CSMD1: variants seen among roughly 807,000 people sequenced by gnomAD.
The protein encoded by CSMD1 is CUB and Sushi multiple domains 1.
Under a neutral mutation model 417.5 loss-of-function variants are expected in CSMD1, and 213 were observed. That is an observed-to-expected ratio of 0.51 (90% CI 0.46 to 0.57). The LOEUF (loss-of-function observed/expected upper bound fraction) is 0.57. Ranked by LOEUF, CSMD1 falls within the 20% of genes least tolerant of loss-of-function variation. The pLI, the probability that CSMD1 is intolerant of heterozygous loss-of-function variation, is 0.00. For missense variants in CSMD1, 6,923 were observed against 4,529.7 expected (o/e 1.53, Z -15.17); for synonymous variants, 2,862 against 1,736.8 (o/e 1.65, Z -16.11).
chr8:4,619,757 G>C (rs1021201404), intron 2 of CSMD1, among the ~76,000 whole-genome samples: 1 of 152,040 alleles, frequency 6.6e-6, no homozygotes, highest in Admixed American at 6.6e-5. Context: ...GGAAGAACTT[G>C]GAAAACCAGG....
At chr8:4,057,818 A>T (rs2130724539) in intron 3 of CSMD1, among the ~76,000 whole-genome samples, 1 of 152,220 alleles carries the variant, frequency 6.6e-6, no homozygotes. Context: ...TGTTTTTGTC[A>T]GGTTTGTCAA....
At chr8:3,184,027 A>G (rs1318907558) in intron 36 of CSMD1, among the ~76,000 whole-genome samples, 5 of 152,178 alleles carry the variant, frequency 3.3e-5, no homozygotes, top group African/African-American at 4.8e-5. Flanking sequence ...ATTCTCATAG[A>G]TTCCTGATCA....
chr8:4,096,361 G>A (rs1801011539), intron 3 of CSMD1, among the ~76,000 whole-genome samples: 1 of 152,042 alleles, frequency 6.6e-6, no homozygotes, highest in Non-Finnish European at 1.5e-5. Context: ...TCCATATGGG[G>A]CTCCCAGACA....
chr8:3,563,579 A>T (rs1402361394), intron 10 of CSMD1, among the ~76,000 whole-genome samples: 1 of 152,118 alleles, frequency 6.6e-6, no homozygotes, highest in Non-Finnish European at 1.5e-5. Context: ...AAAACAAAAC[A>T]AAAACACAAG....
intron 6 of CSMD1, among the ~76,000 whole-genome samples, chr8:3,752,413 G>C (rs1280565182): frequency 6.6e-6 from 1 of 152,094 alleles, no homozygotes; most frequent in Admixed American, 6.5e-5. Context: ...CCAGCACTTT[G>C]GGAGGCCGAG....
intron 10 of CSMD1, among the ~76,000 whole-genome samples, chr8:3,567,944 G>A (rs1799784851): frequency 6.6e-6 from 1 of 152,174 alleles, no homozygotes; most frequent in Admixed American, 6.5e-5. Flanking sequence ...GGACGCCGGA[G>A]ATGGAAACCC....
At chr8:3,859,595 C>G (rs1372918634) in intron 5 of CSMD1, among the ~76,000 whole-genome samples, 2 of 152,090 alleles carry the variant, frequency 1.3e-5, no homozygotes, top group African/African-American at 2.4e-5. Context: ...CCAGAAAGAC[C>G]AACCATGTTA....
In CSMD1 at chr8:4,187,431, G is replaced by A. The variant is rs114145617; in HGVS notation, c.416-155332C>T. Among the ~76,000 whole-genome samples, 242 of 152,222 alleles carry A rather than the reference G, an allele frequency of 1.6e-3. 2 individuals are homozygous for A. Among genetic ancestry groups the A allele is most frequent in the African/African-American group, 5.8e-3 (239 of 41,544 alleles). On this transcript the variant is annotated intron_variant, in intron 3 of 69. Coordinates refer to ENST00000635120, the MANE Select transcript of CSMD1 (RefSeq NM_033225.6). ...GGAGGCCAAGGCAGGCAGATCACCT[G>A]AGGTCAGGAAGAGACCAGCCTGATC... is the stretch of plus-strand genomic sequence containing the variant.
chr8:4,740,944 A>C (rs1585027002), intron 1 of CSMD1, among the ~76,000 whole-genome samples: 1 of 152,228 alleles, frequency 6.6e-6, no homozygotes, highest in African/African-American at 2.4e-5. Context: ...ACACTTATTA[A>C]CATATATTAA....
chr8:4,207,694 G>C (rs1012839507), intron 3 of CSMD1, among the ~76,000 whole-genome samples: 1 of 152,016 alleles, frequency 6.6e-6, no homozygotes, highest in African/African-American at 2.4e-5. Context: ...CATTTCAAAA[G>C]AAACATTTTT....
intron 3 of CSMD1, among the ~76,000 whole-genome samples, chr8:4,097,580 T>C (rs927562066): frequency 6.6e-6 from 1 of 152,216 alleles, no homozygotes; most frequent in Non-Finnish European, 1.5e-5. Flanking sequence ...AGTATGATTC[T>C]AGTAACACCC....
chr8:4,121,485 C>G (rs929765137), intron 3 of CSMD1, among the ~76,000 whole-genome samples: 10 of 152,104 alleles, frequency 6.6e-5, no homozygotes, highest in Non-Finnish European at 1.0e-4. Context: ...AGTTACTTTC[C>G]TATTTCTCAC....
chr8:3,821,852 G>C (rs573490618), intron 5 of CSMD1, among the ~76,000 whole-genome samples: 4 of 152,152 alleles, frequency 2.6e-5, no homozygotes, highest in African/African-American at 4.8e-5. Flanking sequence ...GTCATGGCAA[G>C]GAATATGGGA....
intron 1 of CSMD1, among the ~76,000 whole-genome samples, chr8:4,950,678 G>C (rs1808681394): frequency 6.6e-6 from 1 of 152,168 alleles, no homozygotes; most frequent in Non-Finnish European, 1.5e-5. Flanking sequence ...AAAGAATTCA[G>C]AGTTTACTTT....
chr8:4,053,553 C>T (rs904336125), intron 3 of CSMD1, among the ~76,000 whole-genome samples: 19 of 152,100 alleles, frequency 1.2e-4, no homozygotes, highest in African/African-American at 4.6e-4. Flanking sequence ...TTTTCTCTGA[C>T]CTTGCAAGCT....
intron 3 of CSMD1, among the ~76,000 whole-genome samples, chr8:4,249,201 G>A (rs746962125): frequency 6.6e-6 from 1 of 152,106 alleles, no homozygotes; most frequent in Non-Finnish European, 1.5e-5. Context: ...AGTGTCACCA[G>A]GAGATTAGGA....
chr8:3,501,514 GA>G (rs1316479326), intron 10 of CSMD1, among the ~76,000 whole-genome samples: 2 of 152,126 alleles, frequency 1.3e-5, no homozygotes, highest in Non-Finnish European at 2.9e-5. Flanking sequence ...CTACATCTTG[GA>G]ATAAGATAAT....
intron 7 of CSMD1, among the ~76,000 whole-genome samples, chr8:3,656,680 C>A (rs1321735253): frequency 6.6e-6 from 1 of 152,168 alleles, no homozygotes; most frequent in Non-Finnish European, 1.5e-5. Context: ...GTAATCCCAG[C>A]ACTTTGGGAG....
At chr8:3,283,406 T>C (rs895029975) in intron 26 of CSMD1, among the ~76,000 whole-genome samples, 3 of 152,126 alleles carry the variant, frequency 2.0e-5, no homozygotes, top group Non-Finnish European at 4.4e-5. Flanking sequence ...AGTCTAGAAA[T>C]TTACTGACTA....
Sources: allele counts gnomAD v4.1 joint callset (sites outside exome capture counted in the v4.1 genomes callset), GRCh38; gene constraint gnomAD v4.1.1; transcripts MANE v1.5; gene names NCBI Gene and HGNC (gene_info 2026-07-23, HGNC 2026-07-21).